Variants in PTN observed in about 807,000 individuals in gnomAD.
PTN encodes the protein heparin affin regulatory protein.
Under a neutral mutation model 24.1 loss-of-function variants are expected in PTN, and 18 were observed. The observed-to-expected ratio is 0.75, with a 90% CI of 0.52 to 1.11. The LOEUF (loss-of-function observed/expected upper bound fraction) is 1.11. PTN is among the 50% of genes least tolerant of loss of function. The pLI is 0.00. For missense variants in PTN, 163 were observed against 198.8 expected, an observed-to-expected ratio of 0.82 and a Z score of 1.08; for synonymous variants, 78 against 68.6, an observed-to-expected ratio of 1.14 and a Z score of -0.67.
At chr7:137,305,821 T>G (rs918931960) in intron 1 of PTN, among the ~76,000 whole-genome samples, 2 of 152,086 alleles carry the variant, frequency 1.3e-5, no homozygotes, top group Non-Finnish European at 2.9e-5. Flanking sequence ...AGCAGGGAAC[T>G]TGAGCATCTT....
At chr7:137,337,813 T>G (rs562765657) in intron 1 of PTN, among the ~76,000 whole-genome samples, 1 of 152,238 alleles carries the variant, frequency 6.6e-6, no homozygotes, top group East Asian at 1.9e-4. Context: ...CACCAGGTTG[T>G]TTGGTAAGGC....
chr7:137,313,539 C>T (rs141844178), intron 1 of PTN, among the ~76,000 whole-genome samples: 2 of 152,280 alleles, frequency 1.3e-5, no homozygotes, highest in East Asian at 1.9e-4. Context: ...CCCCCTTAAT[C>T]GATCCCTCAC....
chr7:137,236,960 G>A (rs1160683023), intron 4 of PTN, among the ~76,000 whole-genome samples: 1 of 152,000 alleles, frequency 6.6e-6, no homozygotes. Flanking sequence ...ATTTTAGTAG[G>A]TACAGTCCCA....
At chr7:137,308,644 G>A (rs749627088) in intron 1 of PTN, among the ~76,000 whole-genome samples, 2 of 152,086 alleles carry the variant, frequency 1.3e-5, no homozygotes, top group Non-Finnish European at 2.9e-5. Flanking sequence ...ATCCTGAGAG[G>A]TGGTGAGGAT....
At chr7:137,263,769 C>T (rs1435745662) in intron 1 of PTN, among the ~76,000 whole-genome samples, 1 of 151,926 alleles carries the variant, frequency 6.6e-6, no homozygotes, top group Non-Finnish European at 1.5e-5. Context: ...TTTAATAGTG[C>T]CAATAATACA....
chr7:137,280,633 CACTTG>C (rs1051691114), intron 1 of PTN, among the ~76,000 whole-genome samples: 1 of 142,596 alleles, frequency 7.0e-6, no homozygotes, highest in African/African-American at 2.6e-5. Flanking sequence ...GCAGGTGGAT[CACTTG>C]AGGCCAGGAG....
chr7:137,261,546 A>C (rs1289174732), intron 1 of PTN, among the ~76,000 whole-genome samples: 1 of 152,208 alleles, frequency 6.6e-6, no homozygotes, highest in Non-Finnish European at 1.5e-5. Flanking sequence ...ACAGGGGCCA[A>C]GGGAAAATTT....
intron 4 of PTN, among the ~76,000 whole-genome samples, chr7:137,236,831 A>C (rs1808530261): frequency 6.6e-6 from 1 of 152,146 alleles, no homozygotes; most frequent in Admixed American, 6.6e-5. Flanking sequence ...GTTCACACTT[A>C]GCTAATCATT....
chr7:137,259,484 A>G (rs1263576955), intron 1 of PTN, among the ~76,000 whole-genome samples: 1 of 152,074 alleles, frequency 6.6e-6, no homozygotes, highest in Non-Finnish European at 1.5e-5. Context: ...TGTAACAATT[A>G]CTTGAGAGAC....
intron 4 of PTN, among the ~76,000 whole-genome samples, chr7:137,237,093 A>G (rs1808535728): frequency 6.6e-6 from 1 of 152,194 alleles, no homozygotes; most frequent in Non-Finnish European, 1.5e-5. Flanking sequence ...GAAAATTCAT[A>G]CTGAACTCCT....
intron 1 of PTN, among the ~76,000 whole-genome samples, chr7:137,305,720 A>C (rs1456059040): frequency 1.3e-5 from 2 of 152,114 alleles, no homozygotes; most frequent in Non-Finnish European, 2.9e-5. Context: ...AAAAAGATAA[A>C]GAGGCTGACA....
intron 2 of PTN, 86 bp downstream of exon 2, chr7:137,254,773 G>C (rs2128871491): frequency 1.2e-6 from 1 of 841,686 alleles, no homozygotes; most frequent in Non-Finnish European, 1.7e-6. Flanking sequence ...GAGAGGCAGA[G>C]TAGAAGAGAG....
At chr7:137,267,922 T>C (rs833388) in intron 1 of PTN, among the ~76,000 whole-genome samples, 75,526 of 151,658 alleles carry the variant, frequency 0.5, 20,518 homozygotes, top group African/African-American at 0.74. Flanking sequence ...TGCTTCCACT[T>C]GAATGGAGTA....
rs994683087 is a variant in PTN, at chr7:137,236,015, C to G, written c.452-7940G>C. On this transcript the variant is annotated intron_variant, in intron 4 of 4. Transcript: ENST00000348225. Reference sequence around the variant, plus strand: ...CATCTCCTAAAAACAGAAAGTTTAGCTATGAAAGCACTAGTGAATAAAGTA... The same window carrying G: ...CATCTCCTAAAAACAGAAAGTTTAGGTATGAAAGCACTAGTGAATAAAGTA... 1.0e-5 allele frequency: 6 copies of G among 591,264 alleles called. No homozygotes were observed. In the African/African-American group the frequency reaches 1.1e-4, roughly 11 times the overall value. The allele number at this position is 591,264 out of a possible 1,614,324, so 36.6% of individuals were successfully genotyped here. A position where few individuals can be genotyped will look rare whatever the true frequency, so the allele number is the denominator to read the frequency against.
intron 1 of PTN, among the ~76,000 whole-genome samples, chr7:137,322,525 GT>G (rs138618151): frequency 2.8e-4 from 43 of 151,634 alleles, no homozygotes; most frequent in South Asian, 8.3e-4. Context: ...GAAAATTATG[GT>G]TTTTTTTATG....
intron 1 of PTN, among the ~76,000 whole-genome samples, chr7:137,297,670 G>A (rs538442054): frequency 2.0e-5 from 3 of 151,988 alleles, no homozygotes; most frequent in African/African-American, 7.2e-5. Flanking sequence ...GAAATAAATA[G>A]CCCAGGCGCA....
At chr7:137,306,511 T>C (rs1194971797) in intron 1 of PTN, among the ~76,000 whole-genome samples, 1 of 151,918 alleles carries the variant, frequency 6.6e-6, no homozygotes, top group African/African-American at 2.4e-5. Context: ...TCCCACCCCC[T>C]GGGAGCAGGG....
At chr7:137,296,143 A>T (rs1228572534) in intron 1 of PTN, among the ~76,000 whole-genome samples, 1 of 152,086 alleles carries the variant, frequency 6.6e-6, no homozygotes, top group Non-Finnish European at 1.5e-5. Flanking sequence ...CTCTTTAAGT[A>T]TAAGTACTAA....
At chr7:137,263,085 T>C (rs1023026026) in intron 1 of PTN, among the ~76,000 whole-genome samples, 1 of 152,220 alleles carries the variant, frequency 6.6e-6, no homozygotes, top group Non-Finnish European at 1.5e-5. Context: ...AATAGATTGA[T>C]AGTGATTCAT....
Sources: gnomAD v4.1 joint callset for allele counts (sites outside exome capture counted in the v4.1 genomes callset) on GRCh38, gnomAD v4.1.1 for gene constraint, MANE v1.5 for transcripts, NCBI Gene and HGNC (gene_info 2026-07-23, HGNC 2026-07-21) for gene names.